The following CTBP2 variants were observed in gnomAD, a reference collection of about 807,000 sequenced individuals.
CTBP2 encodes the protein C-terminal-binding protein 2.
A neutral mutation model predicts 80.3 loss-of-function variants in CTBP2; 30 were observed. The observed-to-expected ratio is 0.37, with a 90% CI of 0.28 to 0.51. CTBP2 has a LOEUF of 0.51. Ranked by LOEUF, CTBP2 falls within the 20% of genes least tolerant of loss-of-function variation. The pLI, the probability that CTBP2 is intolerant of heterozygous loss-of-function variation, is 0.93. For missense variants in CTBP2, 1,212 were observed against 1,375.3 expected, an observed-to-expected ratio of 0.88 and a Z score of 1.88; for synonymous variants, 594 against 587.4, an observed-to-expected ratio of 1.01 and a Z score of -0.16.
At chr10:125,096,549 GGACA>G (rs1849574314) in intron 2 of CTBP2, among the ~76,000 whole-genome samples, 3 of 152,106 alleles carry the variant, frequency 2.0e-5, no homozygotes, top group African/African-American at 7.2e-5. Context: ...AACAGTTACT[GGACA>G]GGAGAATGCA....
intron 7 of CTBP2, 78 bp from the exon 10 acceptor site, chr10:124,992,890 A>G: frequency 8.9e-7 from 1 of 1,117,614 alleles, no homozygotes; most frequent in Admixed American, 2.2e-5. Flanking sequence ...GTAGCTGCTT[A>G]TGTGGGGAAA....
chr10:125,015,254 C>T (rs749804331), intron 1 of CTBP2, among the ~76,000 whole-genome samples: 17 of 152,118 alleles, frequency 1.1e-4, no homozygotes, highest in Non-Finnish European at 2.2e-4. Context: ...AGCAAGTGAC[C>T]AACACAAAAG....
At chr10:125,140,610 G>C (rs1346100152) in intron 1 of CTBP2, among the ~76,000 whole-genome samples, 4 of 152,134 alleles carry the variant, frequency 2.6e-5, no homozygotes, top group Non-Finnish European at 4.4e-5. Context: ...ATCACCTGAG[G>C]TCAGGAGTTC....
rs1046019608 is a variant in CTBP2 at position 125,101,152 on chromosome 10, C to T, written c.-102+9838G>A. On this transcript the variant is annotated intron_variant, in intron 2 of 10. Transcript: ENST00000337195. The stretch of plus-strand genomic sequence containing the variant: ...TTCATTAACATTGGTTGTTACAAAT[C>T]GGCATTTTTAGACTTTGCCATAAAA... 6.6e-5 allele frequency among the ~76,000 whole-genome samples: 10 copies of T among 152,320 alleles called. No individual in the cohort carries two copies. The South Asian group carries it at 1.2e-3, about 19-fold the overall frequency.
chr10:125,035,174 G>A (rs1408322573), intron 3 of CTBP2, among the ~76,000 whole-genome samples: 1 of 152,190 alleles, frequency 6.6e-6, no homozygotes, highest in African/African-American at 2.4e-5. Flanking sequence ...CAAAGGTGAT[G>A]CAGAATGAGA....
chr10:125,118,622 C>A (rs1359923317), intron 1 of CTBP2, among the ~76,000 whole-genome samples: 2 of 151,772 alleles, frequency 1.3e-5, no homozygotes, highest in Non-Finnish European at 2.9e-5. Flanking sequence ...GGCTGCACCC[C>A]CACACACCTG....
chr10:125,064,610 T>C (rs185480714), intron 2 of CTBP2, among the ~76,000 whole-genome samples: 2 of 152,376 alleles, frequency 1.3e-5, no homozygotes, highest in East Asian at 3.9e-4. Context: ...GAGTGCGTGC[T>C]CTGAATCTGT....
rs913650419 is a variant in CTBP2, at chr10:125,004,321, C to T, written c.1679-829G>A. ...CGCATGCTTGCGCCCCGTGCACATA[C>T]AGGGCAGACACCCTGCGGGGCCCGC... is the stretch of plus-strand genomic sequence containing the variant. On this transcript the variant is annotated intron_variant, in intron 1 of 8. Coordinates refer to ENST00000309035, the MANE Select transcript of CTBP2 (RefSeq NM_022802.3). Among the ~76,000 whole-genome samples the T allele has an allele frequency of 2.6e-5, 4 of 152,264 alleles. 1 individual carries two copies. The highest frequency in any genetic ancestry group is 5.9e-5 in the Non-Finnish European group (4 of 68,046).
chr10:125,074,977 C>A (rs1172656006), intron 2 of CTBP2, among the ~76,000 whole-genome samples: 1 of 152,188 alleles, frequency 6.6e-6, no homozygotes, highest in Non-Finnish European at 1.5e-5. Flanking sequence ...TAGGTGGGAA[C>A]CTGGACTCCT....
In CTBP2 at chr10:125,041,671, G is replaced by C. The variant is rs57337150; in HGVS notation, c.-101-2516C>G. ...TTCCACATCAGCTGCGTCATCCAAG[G>C]GGGGAAGAGAATTAATCAGTTAATT... is the stretch of plus-strand genomic sequence containing the variant. On this transcript the variant is annotated intron_variant, in intron 2 of 10. Transcript: ENST00000337195. Among the ~76,000 whole-genome samples, 558 of 152,206 alleles carry C rather than the reference G, an allele frequency of 3.7e-3. 5 individuals carry two copies. Among genetic ancestry groups the C allele is most frequent in the African/African-American group, 0.013 (537 of 41,534 alleles).
intron 1 of CTBP2, among the ~76,000 whole-genome samples, chr10:125,157,578 A>C (rs1861154169): frequency 6.6e-6 from 1 of 151,586 alleles, no homozygotes; most frequent in African/African-American, 2.4e-5. Flanking sequence ...TGGGGCACAA[A>C]AAACCAATCA....
At chr10:125,082,003 C>T (rs1295247422) in intron 2 of CTBP2, among the ~76,000 whole-genome samples, 1 of 152,116 alleles carries the variant, frequency 6.6e-6, no homozygotes, top group Admixed American at 6.5e-5. Flanking sequence ...CAGGGGCAGG[C>T]TCTGTACCTG....
intron 1 of CTBP2, 38 bp from the exon 4 acceptor site, chr10:125,003,530 G>A (rs748295512): frequency 6.7e-7 from 1 of 1,501,306 alleles, no homozygotes; most frequent in Non-Finnish European, 8.9e-7. Context: ...TGGGTGGGTG[G>A]CTGGGGCCAC....
intron 2 of CTBP2, among the ~76,000 whole-genome samples, chr10:125,049,103 C>CACACACACACACACA: frequency 9.0e-6 from 1 of 110,962 alleles, no homozygotes; most frequent in East Asian, 4.9e-4. Flanking sequence ...GTCCACCTGA[C>CACACACACACACACA]CACACACATA....
chr10:125,015,102 C>T (rs564829369), intron 1 of CTBP2, among the ~76,000 whole-genome samples: 6 of 152,262 alleles, frequency 3.9e-5, no homozygotes, highest in Admixed American at 1.3e-4. Flanking sequence ...TCTGAGTGAC[C>T]GGAGCCCGAG....
intron 3 of CTBP2, among the ~76,000 whole-genome samples, chr10:125,035,736 A>C (rs1958789929): frequency 6.6e-6 from 1 of 152,224 alleles, no homozygotes; most frequent in South Asian, 2.1e-4. Context: ...GTTTGGGGCA[A>C]ACCAAAGGAG....
rs140601064 is a variant in CTBP2 at position 125,011,051 on chromosome 10, G to A, written c.1679-7559C>T. Among the ~76,000 whole-genome samples the A allele has an allele frequency of 1.3e-3, 196 of 152,290 alleles. 1 individual carries two copies. Among genetic ancestry groups the A allele is most frequent in the Admixed American group, 2.1e-3 (32 of 15,294 alleles). ...GTGAATTATCCCTCAAGTTCCCCCT[G>A]CTTTTCTGTAAGGAGGGAAAAAATC... is the stretch of plus-strand genomic sequence containing the variant. On this transcript the variant is annotated intron_variant, in intron 1 of 8. Transcript: ENST00000309035.
intron 1 of CTBP2, among the ~76,000 whole-genome samples, chr10:125,152,886 G>T (rs1001298178): frequency 6.6e-6 from 1 of 150,456 alleles, no homozygotes; most frequent in South Asian, 2.1e-4. Context: ...ACAGCTGAAC[G>T]TCTGGAGAAA....
Position 124,985,165 on chromosome 10 carries a change from G to A in CTBP2, c.*4353C>T, listed in dbSNP as rs1187389086. 5.6e-6 allele frequency: 3 copies of A among 535,034 alleles called. No homozygotes were observed. The highest frequency in any genetic ancestry group is 9.8e-6 in the Non-Finnish European group (3 of 305,244). The allele number at this position is 535,034 out of a possible 1,614,324, so 33.1% of individuals were successfully genotyped here. ...CTTATGGAGATAATGCCTCTGCTGC[G>A]TGAGGAGACAGAGAACTTTAGTTGG... On this transcript the variant is annotated 3_prime_UTR_variant, in exon 9 of 9. Coordinates refer to ENST00000309035, the MANE Select transcript of CTBP2 (RefSeq NM_022802.3).
Sources: allele counts gnomAD v4.1 joint callset (sites outside exome capture counted in the v4.1 genomes callset), GRCh38; gene constraint gnomAD v4.1.1; transcripts MANE v1.5; gene names NCBI Gene and HGNC (gene_info 2026-07-23, HGNC 2026-07-21).